DLG2: variants seen among roughly 807,000 people sequenced by gnomAD.
The protein encoded by DLG2 is discs large MAGUK scaffold protein 2, also known as disks large homolog 2.
Under a neutral mutation model 132.5 loss-of-function variants are expected in DLG2, and 45 were observed. That is an observed-to-expected ratio of 0.34 (90% confidence interval 0.27 to 0.44). The LOEUF is 0.44. DLG2 is among the 20% of genes least tolerant of loss of function. The pLI, the probability that DLG2 is intolerant of heterozygous loss-of-function variation, is 1.00. For missense variants in DLG2, 1,045 were observed against 1,196.9 expected, an observed-to-expected ratio of 0.87 and a Z score of 1.87; for synonymous variants, 424 against 419.6, an observed-to-expected ratio of 1.01 and a Z score of -0.13.
At chr11:84,185,504 G>C (rs10736761) in intron 8 of DLG2, among the ~76,000 whole-genome samples, 16 of 151,982 alleles carry the variant, frequency 1.1e-4, no homozygotes, top group Admixed American at 3.3e-4. Flanking sequence ...ATATACAATC[G>C]TGTCATCTGC....
At chr11:83,667,155 T>C (rs1007718024) in intron 18 of DLG2, among the ~76,000 whole-genome samples, 1 of 152,354 alleles carries the variant, frequency 6.6e-6, no homozygotes, top group Admixed American at 6.5e-5. Context: ...AGGAAGAATT[T>C]CTTAAAATAT....
At chr11:85,478,502 C>T (rs1358831280) in intron 3 of DLG2, among the ~76,000 whole-genome samples, 23 of 152,178 alleles carry the variant, frequency 1.5e-4, no homozygotes, top group Non-Finnish European at 2.9e-5. Context: ...CTAAATTTCT[C>T]AATTATCTTT....
intron 8 of DLG2, among the ~76,000 whole-genome samples, chr11:84,250,652 A>T (rs1338229280): frequency 6.6e-6 from 1 of 152,058 alleles, no homozygotes; most frequent in Admixed American, 6.6e-5. Flanking sequence ...GCCCAGCCAG[A>T]CTCTATCTTC....
At chr11:84,558,295 C>T (rs937534524) in intron 6 of DLG2, among the ~76,000 whole-genome samples, 3 of 152,146 alleles carry the variant, frequency 2.0e-5, no homozygotes, top group African/African-American at 7.2e-5. Context: ...GCAAGCTAAG[C>T]ATCCTTAAAT....
intron 6 of DLG2, among the ~76,000 whole-genome samples, chr11:85,033,698 C>A (rs947024340): frequency 6.6e-6 from 1 of 152,122 alleles, no homozygotes; most frequent in Non-Finnish European, 1.5e-5. Context: ...ACTCTGAGTT[C>A]CAGTTCTTAA....
At chr11:83,909,509 GA>G (rs1293194399) in intron 15 of DLG2, among the ~76,000 whole-genome samples, 1 of 152,174 alleles carries the variant, frequency 6.6e-6, no homozygotes, top group Non-Finnish European at 1.5e-5. Flanking sequence ...TGAATAGCAA[GA>G]AAGCAGAGTA....
intron 7 of DLG2, among the ~76,000 whole-genome samples, chr11:84,525,482 T>C (rs1161018616): frequency 6.6e-6 from 1 of 152,170 alleles, no homozygotes; most frequent in East Asian, 1.9e-4. Flanking sequence ...CCTGATGATA[T>C]CTCTTTTTAA....
intron 21 of DLG2, among the ~76,000 whole-genome samples, chr11:83,491,337 T>A (rs868831363): frequency 3.6e-4 from 55 of 152,170 alleles, no homozygotes; most frequent in African/African-American, 1.3e-3. Context: ...TCATTATTTA[T>A]GAAACTGTGG....
intron 3 of DLG2, among the ~76,000 whole-genome samples, chr11:85,339,384 A>C (rs1190861301): frequency 6.6e-6 from 1 of 152,194 alleles, no homozygotes; most frequent in Non-Finnish European, 1.5e-5. Context: ...TACAAGAAGG[A>C]TTACTGGGCT....
chr11:83,778,892 G>T (rs1384920716), intron 18 of DLG2, among the ~76,000 whole-genome samples: 1 of 152,062 alleles, frequency 6.6e-6, no homozygotes, highest in Non-Finnish European at 1.5e-5. Context: ...AAGGCAACTA[G>T]GAGAAGGTTA....
chr11:85,232,079 T>C (rs2152648413), intron 4 of DLG2, among the ~76,000 whole-genome samples: 1 of 151,978 alleles, frequency 6.6e-6, no homozygotes, highest in South Asian at 2.1e-4. Flanking sequence ...AGAGCCAATA[T>C]TTCTTTCCTC....
chr11:84,198,885 C>A (rs1419639075), intron 8 of DLG2, among the ~76,000 whole-genome samples: 4 of 152,080 alleles, frequency 2.6e-5, no homozygotes, highest in African/African-American at 9.7e-5. Flanking sequence ...TGAGTTACAG[C>A]AGCTTTCAGG....
intron 9 of DLG2, among the ~76,000 whole-genome samples, chr11:84,163,173 A>AT (rs1367597475): frequency 6.6e-6 from 1 of 152,182 alleles, no homozygotes; most frequent in African/African-American, 2.4e-5. Flanking sequence ...CACTAATAAT[A>AT]AAACCATTAA....
At chr11:84,875,675 C>T (rs2086233280) in intron 6 of DLG2, among the ~76,000 whole-genome samples, 1 of 152,074 alleles carries the variant, frequency 6.6e-6, no homozygotes, top group Non-Finnish European at 1.5e-5. Context: ...TTGTTGCTGT[C>T]ATATAAGATC....
intron 6 of DLG2, among the ~76,000 whole-genome samples, chr11:84,558,069 G>C (rs2099415475): frequency 6.6e-6 from 1 of 152,148 alleles, no homozygotes; most frequent in Admixed American, 6.5e-5. Flanking sequence ...TACATTATAT[G>C]TAAGGGGTGA....
chr11:84,239,473 T>G (rs2097199551), intron 8 of DLG2, among the ~76,000 whole-genome samples: 1 of 152,268 alleles, frequency 6.6e-6, no homozygotes, highest in Middle Eastern at 3.4e-3. Flanking sequence ...TGAGTCACCA[T>G]GCCCAGCCTG....
intron 21 of DLG2, among the ~76,000 whole-genome samples, chr11:83,522,837 A>G (rs2095518120): frequency 6.9e-6 from 1 of 145,668 alleles, no homozygotes; most frequent in Non-Finnish European, 1.5e-5. Context: ...ATCAAAATGC[A>G]AGGTAATTAG....
At chr11:84,772,799 G>C (rs1034184522) in intron 6 of DLG2, among the ~76,000 whole-genome samples, 1 of 151,908 alleles carries the variant, frequency 6.6e-6, no homozygotes, top group Admixed American at 6.6e-5. Context: ...CAAAAGCAGC[G>C]GTAAGAGGAA....
chr11:84,818,633 T>C (rs549838713), intron 6 of DLG2, among the ~76,000 whole-genome samples: 2 of 152,040 alleles, frequency 1.3e-5, no homozygotes, highest in South Asian at 4.1e-4. Flanking sequence ...TAATTACAAT[T>C]TGTGCTCTTT....
Sources: allele counts gnomAD v4.1 joint callset (sites outside exome capture counted in the v4.1 genomes callset), GRCh38; gene constraint gnomAD v4.1.1; transcripts MANE v1.5; gene names NCBI Gene and HGNC (gene_info 2026-07-23, HGNC 2026-07-21).